The following GTF2F2 variants were observed in gnomAD, a reference collection of about 807,000 sequenced individuals.
The protein encoded by GTF2F2 is general transcription factor IIF subunit 2.
A neutral mutation model predicts 42.2 loss-of-function variants in GTF2F2; 23 were observed. That is an observed-to-expected ratio of 0.55 (90% CI 0.39 to 0.77). GTF2F2 has a LOEUF of 0.77. Among genes scored for constraint, GTF2F2 ranks in the 30% least tolerant of loss-of-function variants. The pLI is 0.00. For synonymous variants in GTF2F2, 105 were observed against 100.8 expected, an observed-to-expected ratio of 1.04 and a Z score of -0.25; for missense variants, 261 against 287.2, an observed-to-expected ratio of 0.91 and a Z score of 0.66.
chr13:45,214,136 T>C (rs1293948821), intron 5 of GTF2F2, among the ~76,000 whole-genome samples: 1 of 152,218 alleles, frequency 6.6e-6, no homozygotes, highest in African/African-American at 2.4e-5. Flanking sequence ...TTCACATTTA[T>C]AAATAATGAT....
chr13:45,135,107 C>T lies in GTF2F2; in HGVS notation c.67-1626C>T, dbSNP rs183218963. On this transcript the variant is annotated intron_variant, in intron 1 of 7. Transcript: ENST00000340473. ...TAGCTGGGACCACAGGCATGTGCCA[C>T]TGCGCCCAGCTAATTTTTGTATTTT... Among the ~76,000 whole-genome samples the T allele has an allele frequency of 2.0e-5, 3 of 152,248 alleles. No homozygotes were observed. In the East Asian group the frequency reaches 5.8e-4, roughly 29 times the overall value.
chr13:45,136,733 G>C lies in GTF2F2; in HGVS notation c.67G>C (p.Val23Leu), dbSNP rs757139282. 2 of 1,555,894 alleles carry C rather than the reference G, an allele frequency of 1.3e-6. No individual in the cohort carries two copies. The highest frequency in any genetic ancestry group is 1.4e-5 in the African/African-American group (1 of 73,478). ...KQNTGVWLVKVPKYLSQQWAK... is the reference protein window; with the variant it reads ...KQNTGVWLVKLPKYLSQQWAK... Reference sequence around the variant, plus strand: ...TTATTAGTGTTTTACTTTGTTTTAGGTTCCTAAATATTTGTCACAGCAATG... The same window carrying C: ...TTATTAGTGTTTTACTTTGTTTTAGCTTCCTAAATATTTGTCACAGCAATG... Residue 23 changes from valine to leucine, a missense_variant and splice_region_variant, in exon 2 of 8, where the codon GTT becomes CTT. Val to Leu is a conservative substitution (Grantham distance 32). Coordinates refer to ENST00000340473, the MANE Select transcript of GTF2F2 (RefSeq NM_004128.3).
chr13:45,156,447 A>G (rs749053496), intron 4 of GTF2F2, among the ~76,000 whole-genome samples: 2 of 152,248 alleles, frequency 1.3e-5, no homozygotes, highest in Admixed American at 6.5e-5. Context: ...ATCCTCTGTC[A>G]TAGCTATCTA....
chr13:45,268,546 C>G (rs1232368971), intron 7 of GTF2F2, among the ~76,000 whole-genome samples: 1 of 152,084 alleles, frequency 6.6e-6, no homozygotes, highest in African/African-American at 2.4e-5. Flanking sequence ...ATCCCAATGA[C>G]TTCACTCCCT....
chr13:45,252,653 C>T, intron 5 of GTF2F2, among the ~76,000 whole-genome samples: 1 of 151,988 alleles, frequency 6.6e-6, no homozygotes, highest in East Asian at 1.9e-4. Context: ...TACATTGTGG[C>T]ATTATAATGA....
chr13:45,267,204 C>T, intron 6 of GTF2F2, 29 bp from the exon 7 acceptor site: 1 of 1,579,340 alleles, frequency 6.3e-7, no homozygotes, highest in Non-Finnish European at 8.6e-7. Context: ...TGAATTGATG[C>T]TTTTATTTCC....
At chr13:45,191,072 A>G (rs74784223) in intron 4 of GTF2F2, among the ~76,000 whole-genome samples, 4,109 of 151,244 alleles carry the variant, frequency 0.027, 206 homozygotes, top group African/African-American at 0.092. Context: ...TATACATTTT[A>G]AAAATATAGT....
intron 4 of GTF2F2, among the ~76,000 whole-genome samples, chr13:45,160,909 C>T (rs970074494): frequency 2.6e-5 from 4 of 152,060 alleles, no homozygotes; most frequent in African/African-American, 9.7e-5. Flanking sequence ...GTAGCTAGCT[C>T]AGCACTCAAC....
At chr13:45,278,944 C>A (rs1216601132) in intron 7 of GTF2F2, among the ~76,000 whole-genome samples, 6 of 150,982 alleles carry the variant, frequency 4.0e-5, no homozygotes, top group Admixed American at 4.0e-4. Context: ...CTGCCTCAGC[C>A]TCCTGAATAG....
At chr13:45,273,716 G>A (rs934376700) in intron 7 of GTF2F2, among the ~76,000 whole-genome samples, 28 of 140,690 alleles carry the variant, frequency 2.0e-4, no homozygotes, top group African/African-American at 6.2e-4. Context: ...GTGCAATGGC[G>A]CGATCTCGGC....
intron 4 of GTF2F2, among the ~76,000 whole-genome samples, chr13:45,185,028 G>T (rs561335730): frequency 6.6e-6 from 1 of 152,150 alleles, no homozygotes; most frequent in Admixed American, 6.5e-5. Flanking sequence ...TTGCCATGTT[G>T]CCTAGGCTGG....
At chr13:45,131,397 G>A (rs1473203541) in intron 1 of GTF2F2, among the ~76,000 whole-genome samples, 2 of 152,130 alleles carry the variant, frequency 1.3e-5, no homozygotes, top group African/African-American at 4.8e-5. Flanking sequence ...GTATTTGAAG[G>A]AAAAGGAAAT....
At chr13:45,216,219 A>G (rs1873880842) in intron 5 of GTF2F2, among the ~76,000 whole-genome samples, 1 of 152,202 alleles carries the variant, frequency 6.6e-6, no homozygotes, top group Admixed American at 6.5e-5. Context: ...CCCTGTCTCA[A>G]GAGGAAAAAA....
chr13:45,165,365 T>G (rs1328309605), intron 4 of GTF2F2, among the ~76,000 whole-genome samples: 1 of 148,728 alleles, frequency 6.7e-6, no homozygotes, highest in Non-Finnish European at 1.5e-5. Flanking sequence ...TCTTGCTCTA[T>G]CGCCCAGGCT....
intron 5 of GTF2F2, among the ~76,000 whole-genome samples, chr13:45,227,277 G>T (rs1358524115): frequency 6.6e-6 from 1 of 152,090 alleles, no homozygotes; most frequent in Non-Finnish European, 1.5e-5. Flanking sequence ...ATATTGAGTT[G>T]TATATAGATA....
chr13:45,128,238 G>A (rs1869148438), intron 1 of GTF2F2, among the ~76,000 whole-genome samples: 1 of 147,888 alleles, frequency 6.8e-6, no homozygotes, highest in Admixed American at 6.7e-5. Context: ...GGGATTACAG[G>A]TGTGAGCCAC....
intron 5 of GTF2F2, among the ~76,000 whole-genome samples, chr13:45,233,257 T>C (rs1006672875): frequency 2.0e-5 from 3 of 151,870 alleles, no homozygotes; most frequent in African/African-American, 7.3e-5. Flanking sequence ...ATCTCTGCAA[T>C]ATAAAAAAAC....
intron 2 of GTF2F2, among the ~76,000 whole-genome samples, chr13:45,140,114 ATTT>A (rs1002989702): frequency 2.1e-5 from 3 of 140,804 alleles, no homozygotes; most frequent in Non-Finnish European, 4.7e-5. Context: ...TGCCCAGCTA[ATTT>A]TTTTTTTTTT....
At chr13:45,258,640 A>G (rs913389537) in intron 6 of GTF2F2, among the ~76,000 whole-genome samples, 4 of 152,234 alleles carry the variant, frequency 2.6e-5, no homozygotes, top group African/African-American at 9.6e-5. Context: ...AACTAAGCAT[A>G]CAGAACATGA....
Sources: gnomAD v4.1 joint callset for allele counts (sites outside exome capture counted in the v4.1 genomes callset) on GRCh38, gnomAD v4.1.1 for gene constraint, MANE v1.5 for transcripts, NCBI Gene and HGNC (gene_info 2026-07-23, HGNC 2026-07-21) for gene names.